FOXN3: variants seen among roughly 807,000 people sequenced by gnomAD.
FOXN3 encodes forkhead box N3, also known as forkhead box protein N3.
Under a neutral mutation model 38.4 loss-of-function variants are expected in FOXN3, and 7 were observed. The ratio of observed to expected loss-of-function variants is 0.18; its 90% CI spans 0.10 to 0.34. The LOEUF is 0.34. FOXN3 is among the 10% of genes least tolerant of loss of function. FOXN3 has a pLI of 1.00. For missense variants in FOXN3, 456 were observed against 613.4 expected, an observed-to-expected ratio of 0.74 and a Z score of 2.71; for synonymous variants, 230 against 242.2, an observed-to-expected ratio of 0.95 and a Z score of 0.47.
chr14:89,178,804 T>C (rs1044892674), intron 5 of FOXN3, among the ~76,000 whole-genome samples: 1 of 152,170 alleles, frequency 6.6e-6, no homozygotes, highest in African/African-American at 2.4e-5. Flanking sequence ...GGCTTTTCTG[T>C]GCCCTTCTAT....
intron 1 of FOXN3, among the ~76,000 whole-genome samples, chr14:89,582,263 C>G (rs958189874): frequency 4.6e-5 from 7 of 152,170 alleles, no homozygotes; most frequent in Admixed American, 1.3e-4. Flanking sequence ...GGTAACACAT[C>G]AGACGCCCCA....
At chr14:89,299,312 T>C (rs539388610) in intron 3 of FOXN3, among the ~76,000 whole-genome samples, 6 of 152,106 alleles carry the variant, frequency 3.9e-5, no homozygotes, top group African/African-American at 1.4e-4. Context: ...TAAATGGGAG[T>C]TCCCCTGCTC....
chr14:89,322,169 T>C (rs1887916334), intron 3 of FOXN3, among the ~76,000 whole-genome samples: 3 of 152,214 alleles, frequency 2.0e-5, no homozygotes, highest in African/African-American at 7.2e-5. Flanking sequence ...ATAATGGCTC[T>C]GCTCTTACAG....
intron 1 of FOXN3, among the ~76,000 whole-genome samples, chr14:89,413,094 C>T (rs1353323885): frequency 1.3e-5 from 2 of 152,172 alleles, no homozygotes; most frequent in African/African-American, 2.4e-5. Context: ...ACCTAGAACA[C>T]GGAGTAAAAT....
chr14:89,330,708 T>G (rs1888223661), intron 3 of FOXN3, among the ~76,000 whole-genome samples: 1 of 152,196 alleles, frequency 6.6e-6, no homozygotes. Context: ...AATGCTGCAA[T>G]TGGAAAAATC....
chr14:89,557,004 G>T (rs1895142550), intron 1 of FOXN3, among the ~76,000 whole-genome samples: 1 of 152,192 alleles, frequency 6.6e-6, no homozygotes, highest in South Asian at 2.1e-4. Flanking sequence ...CTGTGGGGTG[G>T]GAAAGAACTT....
chr14:89,486,062 ATGAG>A (rs756051597), intron 1 of FOXN3, among the ~76,000 whole-genome samples: 2 of 152,174 alleles, frequency 1.3e-5, no homozygotes, highest in Non-Finnish European at 2.9e-5. Flanking sequence ...CCATTTTCTT[ATGAG>A]TGAGTCAACT....
At chr14:89,221,123 G>T (rs1884449153) in intron 4 of FOXN3, among the ~76,000 whole-genome samples, 1 of 152,112 alleles carries the variant, frequency 6.6e-6, no homozygotes, top group Non-Finnish European at 1.5e-5. Flanking sequence ...ACAAGCCCTA[G>T]TGTGGTGTAA....
chr14:89,543,536 T>G (rs184451910), intron 1 of FOXN3, among the ~76,000 whole-genome samples: 1 of 152,298 alleles, frequency 6.6e-6, no homozygotes, highest in Admixed American at 6.5e-5. Context: ...GTAGTGTTAA[T>G]AGATTCCGCC....
At chr14:89,424,235 C>G (rs1891976074) in intron 1 of FOXN3, among the ~76,000 whole-genome samples, 1 of 152,160 alleles carries the variant, frequency 6.6e-6, no homozygotes, top group Non-Finnish European at 1.5e-5. Context: ...TTTCCCTTTT[C>G]TGAATCATTT....
At chr14:89,169,211 G>C (rs1406345196) in intron 5 of FOXN3, among the ~76,000 whole-genome samples, 1 of 152,076 alleles carries the variant, frequency 6.6e-6, no homozygotes, top group Admixed American at 6.6e-5. Context: ...GAGGCTGAGG[G>C]AAGTGAATCT....
At chr14:89,485,219 C>G (rs1893423112) in intron 1 of FOXN3, among the ~76,000 whole-genome samples, 1 of 151,564 alleles carries the variant, frequency 6.6e-6, no homozygotes, top group Non-Finnish European at 1.5e-5. Context: ...AAGGGCAGAC[C>G]TGGGGGAGAG....
At chr14:89,190,356 G>A (rs1278460065) in intron 4 of FOXN3, 2 of 1,562,232 alleles carry the variant, frequency 1.3e-6, no homozygotes, top group Non-Finnish European at 1.8e-6. Flanking sequence ...AAACTATGGT[G>A]CTGTAGGCTA....
At chr14:89,465,557 A>G (rs146684042) in intron 1 of FOXN3, among the ~76,000 whole-genome samples, 8 of 152,324 alleles carry the variant, frequency 5.3e-5, no homozygotes, top group Admixed American at 5.2e-4. Flanking sequence ...AGAACGGACT[A>G]ATACAATCCA....
In FOXN3 at chr14:89,164,087, C is replaced by A. The variant is rs1006428058; in HGVS notation, c.852-1118G>T. On this transcript the variant is annotated intron_variant, in intron 5 of 5. Coordinates refer to ENST00000557258, the MANE Select transcript of FOXN3 (RefSeq NM_005197.4). This position sits in a 1 kb window ranked among gnomAD's most constrained non-coding sequence, Gnocchi z 4.3. ...GTGGGGCTGAGGACACGAATTAATGCCTGCAGGTGCCTGGACCACGGCTTG... is the reference window on the plus strand; with the variant it reads ...GTGGGGCTGAGGACACGAATTAATGACTGCAGGTGCCTGGACCACGGCTTG... Among the ~76,000 whole-genome samples the A allele has an allele frequency of 6.6e-6, 1 of 152,182 alleles. No homozygotes were observed. The highest frequency in any genetic ancestry group is 2.1e-4 in the South Asian group (1 of 4,832).
chr14:89,336,216 C>CTCGAACCATCCA, intron 3 of FOXN3, among the ~76,000 whole-genome samples: 1 of 143,160 alleles, frequency 7.0e-6, no homozygotes, highest in African/African-American at 2.6e-5. Flanking sequence ...CTAACGGTGC[C>CTCGAACCATCCA]TCCATCCATC....
chr14:89,383,797 A>ATT lies in FOXN3; in HGVS notation c.543+28135_543+28136dup, dbSNP rs11424163. The stretch of plus-strand genomic sequence containing the variant: ...ACCCTATTTTTATTTTTATGTATTC[A>ATT]TTTTTTTTTTTGAGAAGAGTCTTGC... On this transcript the variant is annotated intron_variant, in intron 2 of 5. Coordinates refer to ENST00000557258, the MANE Select transcript of FOXN3 (RefSeq NM_005197.4). Among the ~76,000 whole-genome samples, 921 of 148,630 alleles carry ATT rather than the reference A, an allele frequency of 6.2e-3. 17 individuals carry two copies. The highest frequency in any genetic ancestry group is 0.019 in the African/African-American group (790 of 40,544).
At position 89,213,228 on chromosome 14, in the gene FOXN3, C is replaced by T. The variant is rs148429208; in HGVS notation, c.746-32422G>A. 5.1e-3 allele frequency among the ~76,000 whole-genome samples: 770 copies of T among 152,298 alleles called. 5 individuals carry two copies. Among genetic ancestry groups the T allele is most frequent in the African/African-American group, 0.017 (726 of 41,542 alleles). On this transcript the variant is annotated intron_variant, in intron 4 of 5. Transcript: ENST00000557258. ...CCTCAGTTCAGCTCTGAATCCTTGC[C>T]TTTCACCAAGGGCCTCATAAGAAAA...
At chr14:89,519,996 CT>C (rs1242408145) in intron 1 of FOXN3, among the ~76,000 whole-genome samples, 1 of 149,942 alleles carries the variant, frequency 6.7e-6, no homozygotes, top group Non-Finnish European at 1.5e-5. Flanking sequence ...CTGGGTTTTT[CT>C]TTTCTTTTTT....
Sources: gnomAD v4.1 joint callset for allele counts (sites outside exome capture counted in the v4.1 genomes callset) on GRCh38, gnomAD v4.1.1 for gene constraint, Gnocchi (gnomAD v3.1) non-coding constraint, MANE v1.5 for transcripts, NCBI Gene and HGNC (gene_info 2026-07-23, HGNC 2026-07-21) for gene names.